Variants in NOTCH1 observed in about 807,000 individuals in gnomAD.
NOTCH1 encodes notch receptor 1, also known as neurogenic locus notch homolog protein 1.
Under a neutral mutation model 254.8 loss-of-function variants are expected in NOTCH1, and 37 were observed. The ratio of observed to expected loss-of-function variants is 0.15; its 90% CI spans 0.11 to 0.19. NOTCH1 has a LOEUF of 0.19. Among genes scored for constraint, NOTCH1 ranks in the 10% least tolerant of loss-of-function variants. The pLI, the probability that NOTCH1 is intolerant of heterozygous loss-of-function variation, is 1.00. For missense variants in NOTCH1, 2,972 were observed against 3,708.6 expected (o/e 0.80, Z 5.16); for synonymous variants, 1,731 against 1,618.1 (o/e 1.07, Z -1.68).
At chr9:136,538,594 G>A (rs974840294) in intron 2 of NOTCH1, among the ~76,000 whole-genome samples, 5 of 152,248 alleles carry the variant, frequency 3.3e-5, no homozygotes, top group East Asian at 1.9e-4. Flanking sequence ...CCAGCCGCTC[G>A]TTAAAGCTGC....
rs1226317939 is a variant in NOTCH1, at chr9:136,546,020, G to GCGCTCCCTCC, written c.-244_-235dup. Among the ~76,000 whole-genome samples the GCGCTCCCTCC allele has an allele frequency of 1.3e-5, 2 of 148,740 alleles. No homozygotes were observed. On this transcript the variant is annotated 5_prime_UTR_variant, in exon 1 of 34. Coordinates refer to ENST00000651671, the MANE Select transcript of NOTCH1 (RefSeq NM_017617.5). ...CCCGCGCCCCGCGCCCCGCGCCCTT[G>GCGCTCCCTCC]CGCTCCCTCCCGCGGCCGAGGCACT...
chr9:136,519,966 G>A, intron 4 of NOTCH1, among the ~76,000 whole-genome samples: 1 of 152,180 alleles, frequency 6.6e-6, no homozygotes, highest in South Asian at 2.1e-4. Flanking sequence ...GCAGCAGGGG[G>A]ACATGGGGCC....
chr9:136,513,262 G>A lies in NOTCH1; in HGVS notation c.2354-128C>T, dbSNP rs1843211743. ...CTCATCTCCAAGAGCCAGAGGCCTG[G>A]AGCTAAGGCTTTGCCACGGGAGGGA... On this transcript the variant is annotated intron_variant, in intron 14 of 33. Transcript: ENST00000651671. This position sits in a 1 kb window ranked among gnomAD's most constrained non-coding sequence, Gnocchi z 4.7. The A allele has an allele frequency of 2.0e-6, 3 of 1,500,554 alleles. No homozygotes were observed. Among genetic ancestry groups the A allele is most frequent in the Non-Finnish European group, 2.8e-6 (3 of 1,086,500 alleles). The allele number at this position is 1,500,554 out of a possible 1,614,324, so 93.0% of individuals were successfully genotyped here. A position where few individuals can be genotyped will look rare whatever the true frequency, so the allele number is the denominator to read the frequency against.
intron 2 of NOTCH1, among the ~76,000 whole-genome samples, chr9:136,527,217 C>T (rs901319982): frequency 5.3e-5 from 8 of 152,212 alleles, no homozygotes; most frequent in South Asian, 2.1e-4. Flanking sequence ...CTACAGACGG[C>T]GAACACCTGC....
At chr9:136,507,226 G>T in intron 22 of NOTCH1, 79 bp downstream of exon 22, 1 of 1,605,534 alleles carries the variant, frequency 6.2e-7, no homozygotes, top group Non-Finnish European at 8.5e-7. Flanking sequence ...GGATGCCTCT[G>T]GCCGGTCCCG....
rs1843064149 is a variant in NOTCH1 at position 136,505,376 on chromosome 9, C to T, written c.4520G>A (p.Ser1507Asn). Residue 1507 changes from serine (S) to asparagine (N), a missense_variant, in exon 25 of 34, where the codon AGC (serine) becomes AAC (asparagine). By Grantham distance (46) the Ser-to-Asn change is conservative. Coordinates refer to ENST00000651671, the MANE Select transcript of NOTCH1 (RefSeq NM_017617.5). ...GAGGCAGCCGGCTGAGTTGCACTGG[C>T]TGTCACAGTGGCCGTCACTGAAGTA... ...WKYFSDGHCD[S>N]QCNSAGCLFD... 5 of 1,610,524 alleles carry T rather than the reference C, an allele frequency of 3.1e-6. No individual in the cohort carries two copies. Among genetic ancestry groups the T allele is most frequent in the East Asian group, 2.2e-5 (1 of 44,810 alleles).
intron 2 of NOTCH1, among the ~76,000 whole-genome samples, chr9:136,535,875 G>T (rs1172409758): frequency 7.8e-6 from 1 of 127,590 alleles, no homozygotes; most frequent in African/African-American, 3.2e-5. Flanking sequence ...AATGGGTGCA[G>T]GGTGGGAGTG....
chr9:136,529,003 AG>A (rs932145253), intron 2 of NOTCH1, among the ~76,000 whole-genome samples: 1 of 152,086 alleles, frequency 6.6e-6, no homozygotes, highest in Non-Finnish European at 1.5e-5. Flanking sequence ...TTCTGCCCAG[AG>A]GGGAGTCTAG....
chr9:136,518,141 C>T lies in NOTCH1; in HGVS notation c.1251G>A (p.Ser417=), dbSNP rs764212360. 6.9e-6 allele frequency: 11 copies of T among 1,586,850 alleles called. No homozygotes were observed. The highest frequency in any genetic ancestry group is 2.7e-5 in the African/African-American group (2 of 74,362). Residue 417 remains serine, a synonymous_variant, in exon 7 of 34, where the codon TCG becomes TCA. Transcript: ENST00000651671. ...PACSQDVDEC[S]LGANPCEHAG... ...ACCCCCTGTGCTGGCACCTACCCAGCGAGCACTCATCCACGTCCTGGCTGC... is the reference window on the plus strand; with the variant it reads ...ACCCCCTGTGCTGGCACCTACCCAGTGAGCACTCATCCACGTCCTGGCTGC...
chr9:136,518,410 G>C, intron 6 of NOTCH1, 118 bp from the exon 7 acceptor site: 2 of 1,390,784 alleles, frequency 1.4e-6, no homozygotes, highest in Non-Finnish European at 2.0e-6. Context: ...TGACCCCGTC[G>C]GGCATCCCGT....
At chr9:136,530,490 G>A (rs983854391) in intron 2 of NOTCH1, among the ~76,000 whole-genome samples, 1 of 152,170 alleles carries the variant, frequency 6.6e-6, no homozygotes, top group African/African-American at 2.4e-5. Context: ...GCGGAGCTGG[G>A]GTGGCCACTC....
At chr9:136,520,825 C>G (rs1379638663) in intron 4 of NOTCH1, among the ~76,000 whole-genome samples, 1 of 152,178 alleles carries the variant, frequency 6.6e-6, no homozygotes, top group African/African-American at 2.4e-5. Context: ...AGATGGGGCC[C>G]CTGGCTGGGC....
At position 136,545,289 on chromosome 9, in the gene NOTCH1, G is replaced by A. The variant is rs991547477; in HGVS notation, c.61+437C>T. On this transcript the variant is annotated intron_variant, in intron 1 of 33. Transcript: ENST00000651671. This position sits in a 1 kb window ranked among gnomAD's most constrained non-coding sequence, Gnocchi z 6.8. The stretch of plus-strand genomic sequence containing the variant: ...GCCCACACTCCGCGCCCCAACATCC[G>A]CCCCGGCGTGGGCCAGAGGCGAAGA... Among the ~76,000 whole-genome samples the A allele has an allele frequency of 6.6e-6, 1 of 151,850 alleles. No individual in the cohort carries two copies. The highest frequency in any genetic ancestry group is 2.4e-5 in the African/African-American group (1 of 41,374).
At chr9:136,499,320 C>A (rs2133323504) in intron 31 of NOTCH1, 61 bp from the exon 32 acceptor site, 1 of 1,592,010 alleles carries the variant, frequency 6.3e-7, no homozygotes, top group South Asian at 1.1e-5. Flanking sequence ...GCCTCCTGCC[C>A]AGAACGAACG....
Position 136,506,581 on chromosome 9 carries a change from G to A in NOTCH1, c.3960C>T (p.Gly1320=), listed in dbSNP as rs1843089049. 6.2e-7 allele frequency: 1 copy of A among 1,610,782 alleles called. No individual in the cohort carries two copies. The highest frequency in any genetic ancestry group is 1.7e-5 in the Admixed American group (1 of 59,866). ...CGGTGTTGGAGGCCACGGCGCAGGT[G>A]CCCCCATTCTTGCAGGGCTTGCCTT... ...GCKGKPCKNG[G]TCAVASNTAR... The change falls in exon 24 of 34, where the codon GGC becomes GGT. Residue 1320 remains glycine (G), a synonymous_variant. Transcript: ENST00000651671. The surrounding 1 kb of genome is among the most constrained non-coding windows in gnomAD (Gnocchi z 4.5).
chr9:136,533,800 G>A (rs536101973), intron 2 of NOTCH1, among the ~76,000 whole-genome samples: 1 of 152,282 alleles, frequency 6.6e-6, no homozygotes, highest in Non-Finnish European at 1.5e-5. Context: ...TAGGGCATCT[G>A]TCTGCAAATG....
chr9:136,496,548 C>T lies in NOTCH1; in HGVS notation c.7191G>A (p.Leu2397=), dbSNP rs1473675914. 6.2e-7 allele frequency: 1 copy of T among 1,609,484 alleles called. No individual in the cohort carries two copies. The highest frequency in any genetic ancestry group is 8.5e-7 in the Non-Finnish European group (1 of 1,179,974). The part of the protein sequence containing the change: ...PQNLQMQQQN[L]QPANIQQQQS... ...GCTGCTGCTGGATGTTTGCTGGCTG[C>T]AGGTTCTGCTGCTGCATCTGTAAGT... The change falls in exon 34 of 34, where the codon CTG becomes CTA. Residue 2397 remains leucine, a synonymous_variant. Coordinates refer to ENST00000651671, the MANE Select transcript of NOTCH1 (RefSeq NM_017617.5).
chr9:136,541,149 G>C (rs1446936383), intron 2 of NOTCH1, among the ~76,000 whole-genome samples: 1 of 152,140 alleles, frequency 6.6e-6, no homozygotes, highest in African/African-American at 2.4e-5. Flanking sequence ...GCTGCCCAGA[G>C]ACCAACCATC....
rs775448292 is a variant in NOTCH1, at chr9:136,506,551, G to A, written c.3990C>T (p.Arg1330=). 1.8e-5 allele frequency: 29 copies of A among 1,607,608 alleles called. No homozygotes were observed. The highest frequency in any genetic ancestry group is 5.6e-5 in the South Asian group (5 of 90,072). Residue 1330 remains arginine, a synonymous_variant, in exon 24 of 34, where the codon CGC becomes CGT. Coordinates refer to ENST00000651671, the MANE Select transcript of NOTCH1 (RefSeq NM_017617.5). The surrounding 1 kb of genome is among the most constrained non-coding windows in gnomAD (Gnocchi z 4.5). The part of the protein sequence containing the change: ...GTCAVASNTA[R]GFICKCPAGF... Reference sequence around the variant, plus strand: ...CCGCAGGGCACTTGCAGATGAACCCGCGGGCGGTGTTGGAGGCCACGGCGC... The same window carrying A: ...CCGCAGGGCACTTGCAGATGAACCCACGGGCGGTGTTGGAGGCCACGGCGC...
Sources: gnomAD v4.1 joint callset for allele counts (sites outside exome capture counted in the v4.1 genomes callset) on GRCh38, gnomAD v4.1.1 for gene constraint, Gnocchi (gnomAD v3.1) non-coding constraint, MANE v1.5 for transcripts, NCBI Gene and HGNC (gene_info 2026-07-23, HGNC 2026-07-21) for gene names.